ABHD12: variants seen among roughly 807,000 people sequenced by gnomAD.
The protein encoded by ABHD12 is lysophosphatidylserine lipase ABHD12.
Under a neutral mutation model 58.3 loss-of-function variants are expected in ABHD12, and 43 were observed. The ratio of observed to expected loss-of-function variants is 0.74; its 90% CI spans 0.58 to 0.95. ABHD12 has a LOEUF of 0.95. Among genes scored for constraint, ABHD12 ranks in the 40% least tolerant of loss-of-function variants. The pLI, the probability that ABHD12 is intolerant of heterozygous loss-of-function variation, is 0.00. For synonymous variants in ABHD12, 219 were observed against 211.2 expected (o/e 1.04, Z -0.32); for missense variants, 539 against 537.2 (o/e 1.00, Z -0.03).
chr20:25,309,299 G>A (rs2088805467), intron 7 of ABHD12, 147 bp downstream of exon 7: 1 of 1,208,718 alleles, frequency 8.3e-7, no homozygotes, highest in Non-Finnish European at 1.2e-6. Flanking sequence ...TTCCCCTCCT[G>A]CCTCTGCCAT....
chr20:25,296,557 G>A (rs1429242479), downstream of ABHD12: 4 of 1,585,708 alleles, frequency 2.5e-6, no homozygotes, highest in Non-Finnish European at 2.6e-6. Flanking sequence ...GCGGGCATTT[G>A]TTTTCTTGCT....
intron 1 of ABHD12, among the ~76,000 whole-genome samples, chr20:25,361,488 C>T (rs181451009): frequency 6.6e-4 from 101 of 152,172 alleles, no homozygotes; most frequent in African/African-American, 2.1e-3. Flanking sequence ...TACAGACATG[C>T]GCCACCTCGC....
intron 5 of ABHD12, among the ~76,000 whole-genome samples, chr20:25,315,329 G>A (rs2088940403): frequency 6.6e-6 from 1 of 152,160 alleles, no homozygotes; most frequent in African/African-American, 2.4e-5. Flanking sequence ...CAGTGTGATG[G>A]TAGACCCCCA....
rs777287556 is a variant in ABHD12, at chr20:25,314,938, G to T, written c.606C>A (p.Thr202=). 2 of 1,614,176 alleles carry T rather than the reference G, an allele frequency of 1.2e-6. No individual in the cohort carries two copies. Among genetic ancestry groups the T allele is most frequent in the Non-Finnish European group, 8.5e-7 (1 of 1,180,014 alleles). ...VLSSLGYHVV[T]FDYRGWGDSV... The stretch of plus-strand genomic sequence containing the variant: ...AAGAAATCTCACCTCTGTAGTCAAA[G>T]GTGACCACATGGTAACCAAGGGAAC... The change falls in exon 6 of 13, where the codon ACC becomes ACA. Residue 202 remains threonine, a synonymous_variant. Transcript: ENST00000339157.
At chr20:25,296,310 T>C, downstream of ABHD12, 1 of 1,593,416 alleles carries the variant, frequency 6.3e-7, no homozygotes, top group South Asian at 1.1e-5. Flanking sequence ...TGGAATCCCA[T>C]GTTTTTAGCA....
intron 1 of ABHD12, chr20:25,368,648 T>C: frequency 2.2e-6 from 3 of 1,370,962 alleles, no homozygotes; most frequent in South Asian, 2.3e-5. Flanking sequence ...TTCTCGCCAG[T>C]GCTCAGAGCA....
chr20:25,380,235 A>G (rs2090006422), intron 1 of ABHD12, among the ~76,000 whole-genome samples: 1 of 152,100 alleles, frequency 6.6e-6, no homozygotes, highest in Admixed American at 6.5e-5. Flanking sequence ...TCTGGAACAC[A>G]TGGAATACAA....
downstream of ABHD12, among the ~76,000 whole-genome samples, chr20:25,295,224 G>C (rs1175167844): frequency 6.6e-6 from 1 of 152,246 alleles, no homozygotes; most frequent in Non-Finnish European, 1.5e-5. Flanking sequence ...TGGAGATGCC[G>C]TTCCCCAGCA....
chr20:25,390,683 G>C lies in ABHD12; in HGVS notation c.21C>G (p.Pro7=), dbSNP rs1215569347. MRKRTE[P]VALEHERCAA... ...CGCAGCGCTCATGCTCCAAGGCGAC[G>C]GGCTCGGTCCGCTTCCTCATCCCGC... Residue 7 remains proline (P), a synonymous_variant, in exon 1 of 13, where the codon CCC becomes CCG. Coordinates refer to ENST00000339157, the MANE Select transcript of ABHD12 (RefSeq NM_001042472.3). 7.1e-7 allele frequency: 1 copy of C among 1,417,778 alleles called. No individual in the cohort carries two copies. The highest frequency in any genetic ancestry group is 2.7e-5 in the Admixed American group (1 of 37,342). The allele number at this position is 1,417,778 out of a possible 1,614,324, so 87.8% of individuals were successfully genotyped here. A position where few individuals can be genotyped will look rare whatever the true frequency, so the allele number is the denominator to read the frequency against.
chr20:25,389,295 CTA>C (rs530936988), intron 1 of ABHD12, among the ~76,000 whole-genome samples: 164 of 152,280 alleles, frequency 1.1e-3, no homozygotes, highest in African/African-American at 3.7e-3. Context: ...AGACACAAAA[CTA>C]TCAGTCTCCG....
rs146783170 is a variant in ABHD12, at chr20:25,373,272, C to T, written c.191+17241G>A. On this transcript the variant is annotated intron_variant, in intron 1 of 12. Transcript: ENST00000339157. ...TCAAAGATGTTGCTTCAAGGCCAGG[C>T]GCAGTGACTCAAACCTGTAATCCCA... 7.5e-4 allele frequency among the ~76,000 whole-genome samples: 114 copies of T among 152,264 alleles called. 1 individual carries two copies. The East Asian group carries it at 0.017, about 23-fold the overall frequency.
intron 3 of ABHD12, 32 bp from the exon 4 acceptor site, chr20:25,320,350 C>A: frequency 1.2e-6 from 2 of 1,611,022 alleles, no homozygotes; most frequent in South Asian, 1.1e-5. Flanking sequence ...AGCGCAGGAT[C>A]AGATGTCCCT....
intron 11 of ABHD12, among the ~76,000 whole-genome samples, chr20:25,302,906 C>T (rs1000185488): frequency 6.6e-6 from 1 of 152,152 alleles, no homozygotes; most frequent in African/African-American, 2.4e-5. Context: ...AATCCGTGGA[C>T]GAGGCCTGCA....
At chr20:25,311,960 A>G (rs904074652) in intron 6 of ABHD12, among the ~76,000 whole-genome samples, 8 of 151,786 alleles carry the variant, frequency 5.3e-5, no homozygotes, top group African/African-American at 1.9e-4. Context: ...TGCCCACCTC[A>G]GCCTCCCAAA....
At chr20:25,350,977 A>T (rs1362337354) in intron 1 of ABHD12, among the ~76,000 whole-genome samples, 4 of 47,840 alleles carry the variant, frequency 8.4e-5, no homozygotes, top group African/African-American at 2.3e-4. Context: ...ACACACACAC[A>T]CACACACACA....
In ABHD12 at chr20:25,308,036, G is replaced by A; in HGVS notation, c.797C>T (p.Pro266Leu). ...VRRLCERETP[P>L]DALILESPFT... ...TGGAGATTCCAATATAAGGGCATCT[G>A]GAGGCGTCTCTAGATAAACAAACAG... Residue 266 changes from proline to leucine, a missense_variant, in exon 9 of 13, where the codon CCA becomes CTA. Transcript: ENST00000339157. 6.2e-7 allele frequency: 1 copy of A among 1,601,542 alleles called. No homozygotes were observed. Among genetic ancestry groups the A allele is most frequent in the African/African-American group, 1.3e-5 (1 of 74,882 alleles).
intron 6 of ABHD12, 65 bp from the exon 7 acceptor site, chr20:25,309,640 C>T: frequency 6.2e-7 from 1 of 1,606,974 alleles, no homozygotes; most frequent in African/African-American, 1.3e-5. Context: ...ACAAACACAC[C>T]TCCCCAAGGG....
intron 3 of ABHD12, among the ~76,000 whole-genome samples, chr20:25,322,381 ATTTTT>A (rs199757666): frequency 6.7e-5 from 4 of 59,280 alleles, no homozygotes; most frequent in African/African-American, 8.3e-5. Context: ...ATATATATAT[ATTTTT>A]TTTTTTTTTT....
chr20:25,349,287 T>G (rs940815166), intron 1 of ABHD12, among the ~76,000 whole-genome samples: 1 of 152,108 alleles, frequency 6.6e-6, no homozygotes. Context: ...ACGAATCAGG[T>G]AGGAATATAA....
Sources: gnomAD v4.1 joint callset for allele counts (sites outside exome capture counted in the v4.1 genomes callset) on GRCh38, gnomAD v4.1.1 for gene constraint, MANE v1.5 for transcripts, NCBI Gene and HGNC (gene_info 2026-07-23, HGNC 2026-07-21) for gene names.